XPO4: variants seen among roughly 807,000 people sequenced by gnomAD.
The protein encoded by XPO4 is exportin-4.
In XPO4, 39 loss-of-function variants were observed where a neutral mutation model predicts 143.0. The observed-to-expected ratio is 0.27, with a 90% CI of 0.21 to 0.36. XPO4 has a LOEUF of 0.36. XPO4 is among the 10% of genes least tolerant of loss of function. The pLI is 1.00. For missense variants in XPO4, 907 were observed against 1,348.0 expected, an observed-to-expected ratio of 0.67 and a Z score of 5.12; for synonymous variants, 439 against 474.0, an observed-to-expected ratio of 0.93 and a Z score of 0.96.
At chr13:20,851,711 CAAA>C (rs11340357) in intron 4 of XPO4, 4,054 of 775,292 alleles carry the variant, frequency 5.2e-3, no homozygotes, top group South Asian at 6.4e-3. Flanking sequence ...CCCGGTCTCA[CAAA>C]AAAAAAAAAA....
intron 18 of XPO4, among the ~76,000 whole-genome samples, chr13:20,793,382 CTT>C (rs751029824): frequency 6.6e-6 from 1 of 152,150 alleles, no homozygotes; most frequent in Non-Finnish European, 1.5e-5. Context: ...CTTATTATGA[CTT>C]TAATCTTTTC....
intron 13 of XPO4, among the ~76,000 whole-genome samples, chr13:20,802,422 T>C (rs2059447238): frequency 6.6e-6 from 1 of 152,168 alleles, no homozygotes; most frequent in South Asian, 2.1e-4. Context: ...AAAAATTTTT[T>C]AGGGGGTATA....
At position 20,850,039 on chromosome 13, in the gene XPO4, G is replaced by A. The variant is rs2060067193; in HGVS notation, c.456+5588C>T. 3 of 853,256 alleles carry A rather than the reference G, an allele frequency of 3.5e-6. No homozygotes were observed. The African/African-American group carries it at 5.5e-5, about 16-fold the overall frequency. 52.9% of individuals were successfully genotyped at this position (853,256 alleles called of 1,614,324 possible). On this transcript the variant is annotated intron_variant, in intron 4 of 22. Transcript: ENST00000255305. ...GAGAATCGCTTAAACCCAGGAGGCG[G>A]AGGTTGTAGTGAGCTGAGTTCATGC...
intron 3 of XPO4, among the ~76,000 whole-genome samples, chr13:20,860,394 A>G (rs1184383299): frequency 6.6e-6 from 1 of 152,248 alleles, no homozygotes; most frequent in Non-Finnish European, 1.5e-5. Flanking sequence ...CAACAAGCAC[A>G]CTATCATAAT....
rs553000234 is a variant in XPO4, at chr13:20,782,181, A to C, written c.*1541T>G. The stretch of plus-strand genomic sequence containing the variant: ...TATACAAAGTTTTGCACAGCATCAC[A>C]TGTAATGACACATATGCTATATGCA... On this transcript the variant is annotated 3_prime_UTR_variant, in exon 23 of 23. Transcript: ENST00000255305. The C allele has an allele frequency of 4.6e-5, 7 of 152,376 alleles. No homozygotes were observed. Among genetic ancestry groups the C allele is most frequent in the African/African-American group, 1.4e-4 (6 of 41,588 alleles). The allele number at this position is 152,376 out of a possible 1,614,324, so 9.4% of individuals were successfully genotyped here.
chr13:20,818,149 C>T (rs2059673627), intron 9 of XPO4, among the ~76,000 whole-genome samples: 1 of 152,142 alleles, frequency 6.6e-6, no homozygotes, highest in Non-Finnish European at 1.5e-5. Context: ...TTCAGTTCAG[C>T]AATAGATAAT....
chr13:20,887,909 G>A (rs578098110), intron 1 of XPO4, among the ~76,000 whole-genome samples: 9 of 149,196 alleles, frequency 6.0e-5, no homozygotes, highest in East Asian at 2.0e-4. Flanking sequence ...AGTGGCTCAC[G>A]CCTATCTGTA....
At position 20,777,513 on chromosome 13, in the gene XPO4, C is replaced by T. The variant is rs1258064311; in HGVS notation, c.*6209G>A. 1 of 152,180 alleles carries T rather than the reference C, an allele frequency of 6.6e-6. No homozygotes were observed. Among genetic ancestry groups the T allele is most frequent in the African/African-American group, 2.4e-5 (1 of 41,444 alleles). 9.4% of individuals were successfully genotyped at this position (152,180 alleles called of 1,614,324 possible). On this transcript the variant is annotated 3_prime_UTR_variant, in exon 23 of 23. Coordinates refer to ENST00000255305, the MANE Select transcript of XPO4 (RefSeq NM_022459.5). The stretch of plus-strand genomic sequence containing the variant: ...TCTAGGTCTGCCTCTACCCTGCAGT[C>T]TACCAGTTCAAGTAGCTTTACCAGG...
chr13:20,796,923 G>C lies in XPO4; in HGVS notation c.2457C>G (p.Thr819=), dbSNP rs779389420. ...LEALCGIAEA[T]QIDNVAILFN... ...ACAGGATTGCTACGTTGTCAATCTG[G>C]GTAGCCTCAGCAATGCCACACAGGG... is the stretch of plus-strand genomic sequence containing the variant. The change falls in exon 17 of 23, where the codon ACC becomes ACG. Residue 819 remains threonine (T), a synonymous_variant. Coordinates refer to ENST00000255305, the MANE Select transcript of XPO4 (RefSeq NM_022459.5). 1.1e-5 allele frequency: 17 copies of C among 1,613,998 alleles called. No individual in the cohort carries two copies. The South Asian group carries it at 1.9e-4, about 18-fold the overall frequency.
chr13:20,820,066 T>G lies in XPO4; in HGVS notation c.1173+1638A>C, dbSNP rs2585894. Among the ~76,000 whole-genome samples the G allele has an allele frequency of 8.5e-3, 1,289 of 152,322 alleles. 20 individuals are homozygous for G. The highest frequency in any genetic ancestry group is 0.03 in the African/African-American group (1,232 of 41,568). ...TGACCAATTATTTTAAAAAATAATT[T>G]TTAAATATCATAAACAGCTCAATTA... On this transcript the variant is annotated intron_variant, in intron 9 of 22. Coordinates refer to ENST00000255305, the MANE Select transcript of XPO4 (RefSeq NM_022459.5).
At chr13:20,850,132 T>A in intron 4 of XPO4, 1 of 985,046 alleles carries the variant, frequency 1.0e-6, no homozygotes, top group South Asian at 4.7e-5. Context: ...AAATGATTAG[T>A]TTCACTCATA....
chr13:20,837,462 A>G (rs1166979663), intron 6 of XPO4, among the ~76,000 whole-genome samples: 1 of 151,794 alleles, frequency 6.6e-6, no homozygotes. Flanking sequence ...GTAGAGTGCA[A>G]TGGCGTAATC....
intron 1 of XPO4, among the ~76,000 whole-genome samples, chr13:20,897,157 C>T (rs1284616147): frequency 6.6e-6 from 1 of 152,058 alleles, no homozygotes; most frequent in African/African-American, 2.4e-5. Context: ...AAAATGCATA[C>T]TTACTATAAT....
At position 20,842,944 on chromosome 13, in the gene XPO4, G is replaced by A. The variant is rs1480391952; in HGVS notation, c.678C>T (p.Tyr226=). 5 of 1,613,264 alleles carry A rather than the reference G, an allele frequency of 3.1e-6. No homozygotes were observed. The African/African-American group carries it at 6.7e-5, about 22-fold the overall frequency. ...NAQMSSVFQR[Y]LALANQVLSW... is the part of the protein sequence containing the mutation. The stretch of plus-strand genomic sequence containing the variant: ...TCAAGACTTGATTGGCGAGTGCAAG[G>A]TAACGCTGAAATACTGAAGACATCT... Residue 226 remains tyrosine, a synonymous_variant, in exon 6 of 23, where the codon TAC becomes TAT. Transcript: ENST00000255305.
chr13:20,811,294 T>C (rs1475009970), intron 9 of XPO4, among the ~76,000 whole-genome samples: 9 of 150,182 alleles, frequency 6.0e-5, no homozygotes, highest in South Asian at 2.1e-4. Flanking sequence ...TTTTCTTTTT[T>C]TTTTTTTTTT....
At chr13:20,850,461 C>A (rs1015594664) in intron 4 of XPO4, among the ~76,000 whole-genome samples, 1 of 152,048 alleles carries the variant, frequency 6.6e-6, no homozygotes, top group African/African-American at 2.4e-5. Context: ...AAACATGAGA[C>A]TAGTACAGGG....
chr13:20,800,101 A>C, intron 15 of XPO4, 55 bp downstream of exon 15: 1 of 1,587,796 alleles, frequency 6.3e-7, no homozygotes, highest in East Asian at 2.2e-5. Context: ...GAAGTGAAAA[A>C]GAGTTTCTCA....
rs199911342 is a variant in XPO4 at position 20,843,089 on chromosome 13, A to G, written c.574-41T>C. On this transcript the variant is annotated intron_variant, in intron 5 of 22. Coordinates refer to ENST00000255305, the MANE Select transcript of XPO4 (RefSeq NM_022459.5). ...CACAAATATTTTATATGAAAAATTT[A>G]TTCAAAATGTATCCCCTTTTAGAAT... is the stretch of plus-strand genomic sequence containing the variant. 1.2e-3 allele frequency: 1,873 copies of G among 1,525,980 alleles called. 33 individuals carry two copies. In the South Asian group the frequency reaches 0.022, roughly 18 times the overall value. The allele number at this position is 1,525,980 out of a possible 1,614,324, so 94.5% of individuals were successfully genotyped here. A position where few individuals can be genotyped will look rare whatever the true frequency, so the allele number is the denominator to read the frequency against.
intron 8 of XPO4, 53 bp from the exon 9 acceptor site, chr13:20,821,931 T>C: frequency 4.0e-6 from 6 of 1,509,954 alleles, no homozygotes; most frequent in Admixed American, 1.9e-5. Context: ...AAATTATTAA[T>C]ATAATAACTC....
Sources: allele counts gnomAD v4.1 joint callset (sites outside exome capture counted in the v4.1 genomes callset), GRCh38; gene constraint gnomAD v4.1.1; transcripts MANE v1.5; gene names NCBI Gene and HGNC (gene_info 2026-07-23, HGNC 2026-07-21).